The following PAQR5 variants were observed in gnomAD, a reference collection of about 807,000 sequenced individuals.
PAQR5 encodes the protein progestin and adipoQ receptor family member 5.
In PAQR5, 20 loss-of-function variants were observed where a neutral mutation model predicts 34.5. The observed-to-expected ratio is 0.58, with a 90% confidence interval of 0.41 to 0.84. The LOEUF (loss-of-function observed/expected upper bound fraction) is 0.84. Among genes scored for constraint, PAQR5 ranks in the 40% least tolerant of loss-of-function variants. PAQR5 has a pLI of 0.00. For synonymous variants in PAQR5, 131 were observed against 155.6 expected, an observed-to-expected ratio of 0.84 and a Z score of 1.18; for missense variants, 378 against 412.7, an observed-to-expected ratio of 0.92 and a Z score of 0.73.
At chr15:69,395,597 G>T (rs1274307533) in intron 6 of PAQR5, among the ~76,000 whole-genome samples, 1 of 152,198 alleles carries the variant, frequency 6.6e-6, no homozygotes, top group African/African-American at 2.4e-5. Flanking sequence ...CTGTGACAAG[G>T]CACAGTCATT....
intron 2 of PAQR5, among the ~76,000 whole-genome samples, chr15:69,358,038 G>C (rs1486106667): frequency 6.6e-6 from 1 of 152,140 alleles, no homozygotes; most frequent in Admixed American, 6.5e-5. Context: ...CAGAGGCAGG[G>C]AAAGAACACC....
At chr15:69,377,335 G>A (rs892395718) in intron 3 of PAQR5, among the ~76,000 whole-genome samples, 1 of 152,182 alleles carries the variant, frequency 6.6e-6, no homozygotes, top group African/African-American at 2.4e-5. Flanking sequence ...AAGGCTGAAG[G>A]CCATTGGCCT....
rs761506153 is a variant in PAQR5, at chr15:69,317,741, G to A, written c.-277+18685G>A. ...ACTGGCCTGGCATTGAAATGCACCCGGGGTGCTATGTCTTGGCTTTCTCCA... is the reference window on the plus strand; with the variant it reads ...ACTGGCCTGGCATTGAAATGCACCCAGGGTGCTATGTCTTGGCTTTCTCCA... On this transcript the variant is annotated intron_variant, in intron 1 of 8. Transcript: ENST00000395407. Among the ~76,000 whole-genome samples the A allele has an allele frequency of 4.6e-5, 7 of 152,220 alleles. 1 individual carries two copies. The highest frequency in any genetic ancestry group is 1.3e-4 in the Admixed American group (2 of 15,292).
intron 2 of PAQR5, among the ~76,000 whole-genome samples, chr15:69,341,468 C>G (rs947958520): frequency 3.3e-5 from 5 of 151,484 alleles, no homozygotes; most frequent in African/African-American, 9.7e-5. Context: ...GTAGTCCCCC[C>G]ACCTCAGCCT....
intron 4 of PAQR5, among the ~76,000 whole-genome samples, chr15:69,382,386 C>T (rs1322586981): frequency 6.6e-6 from 1 of 151,940 alleles, no homozygotes; most frequent in African/African-American, 2.4e-5. Flanking sequence ...GTGGCTTATG[C>T]CTATAATCCC....
chr15:69,320,862 T>C lies in PAQR5; in HGVS notation c.-276-16479T>C, dbSNP rs78645262. Among the ~76,000 whole-genome samples, 1,059 of 152,366 alleles carry C rather than the reference T, an allele frequency of 7.0e-3. 4 individuals carry two copies. The highest frequency in any genetic ancestry group is 0.011 in the Non-Finnish European group (773 of 68,034). On this transcript the variant is annotated intron_variant, in intron 1 of 8. Transcript: ENST00000395407. ...ATCATTATGTCACAAGTATGCTTTT[T>C]TTCCCTGTAAAATTTTCTAGAAAAA...
intron 3 of PAQR5, among the ~76,000 whole-genome samples, chr15:69,369,086 G>A (rs2055483614): frequency 6.6e-6 from 1 of 152,032 alleles, no homozygotes; most frequent in African/African-American, 2.4e-5. Context: ...TTTTCAAATT[G>A]GCTTGTTTCC....
intron 6 of PAQR5, among the ~76,000 whole-genome samples, chr15:69,396,336 G>A (rs1489622802): frequency 1.3e-5 from 2 of 151,830 alleles, no homozygotes; most frequent in Non-Finnish European, 2.9e-5. Context: ...AGCAGAGATA[G>A]GAGCCACAGC....
At chr15:69,365,811 C>T (rs1316272866) in intron 3 of PAQR5, among the ~76,000 whole-genome samples, 1 of 152,178 alleles carries the variant, frequency 6.6e-6, no homozygotes, top group Non-Finnish European at 1.5e-5. Flanking sequence ...CTGGGCGGAG[C>T]CACCATATTG....
chr15:69,398,006 T>G lies in PAQR5; in HGVS notation c.609+442T>G, dbSNP rs560452383. On this transcript the variant is annotated intron_variant, in intron 7 of 8. Transcript: ENST00000395407. ...GAGTGGAGTGAGCAGGAGAGCGAGC[T>G]CTGCAGGCAGGTCTCCAATACTTGC... is the stretch of plus-strand genomic sequence containing the variant. 2.0e-5 allele frequency among the ~76,000 whole-genome samples: 3 copies of G among 152,206 alleles called. No homozygotes were observed. The South Asian group carries it at 6.2e-4, about 32-fold the overall frequency.
intron 1 of PAQR5, among the ~76,000 whole-genome samples, chr15:69,331,965 C>G (rs2054389476): frequency 6.6e-6 from 1 of 152,054 alleles, no homozygotes; most frequent in African/African-American, 2.4e-5. Flanking sequence ...CACAAGCGAG[C>G]AGGGTCATGA....
chr15:69,340,484 G>C (rs1348661337), intron 2 of PAQR5, among the ~76,000 whole-genome samples: 5 of 152,164 alleles, frequency 3.3e-5, no homozygotes, highest in Non-Finnish European at 5.9e-5. Context: ...TTAATGAATG[G>C]CAAACTACTT....
At chr15:69,350,512 G>A (rs754150231) in intron 2 of PAQR5, among the ~76,000 whole-genome samples, 23 of 152,038 alleles carry the variant, frequency 1.5e-4, no homozygotes, top group Admixed American at 2.6e-4. Context: ...GTGTGATGGC[G>A]CACACCTGTA....
chr15:69,378,436 CAA>C (rs1235264927), intron 3 of PAQR5, among the ~76,000 whole-genome samples: 1 of 52,528 alleles, frequency 1.9e-5, no homozygotes, highest in African/African-American at 9.2e-5. Flanking sequence ...GACCCTGTCT[CAA>C]AAAAAAAAAA....
chr15:69,374,453 A>G (rs2055649227), intron 3 of PAQR5, among the ~76,000 whole-genome samples: 1 of 152,182 alleles, frequency 6.6e-6, no homozygotes, highest in Non-Finnish European at 1.5e-5. Flanking sequence ...AGGCTGGTGG[A>G]TCACCTGAGA....
chr15:69,310,366 A>C (rs1402368397), intron 1 of PAQR5, among the ~76,000 whole-genome samples: 1 of 152,256 alleles, frequency 6.6e-6, no homozygotes, highest in Non-Finnish European at 1.5e-5. Flanking sequence ...ACCTACCAGC[A>C]GTGGATGAGA....
chr15:69,367,653 G>C (rs182110989), intron 3 of PAQR5, among the ~76,000 whole-genome samples: 112 of 152,308 alleles, frequency 7.4e-4, no homozygotes, highest in African/African-American at 2.6e-3. Context: ...GGCTGGGCCA[G>C]GTTCAAGCTT....
rs562544962 is a variant in PAQR5 at position 69,370,622 on chromosome 15, C to T, written c.52-9261C>T. Among the ~76,000 whole-genome samples, 348 of 152,218 alleles carry T rather than the reference C, an allele frequency of 2.3e-3. 2 individuals are homozygous for T. The highest frequency in any genetic ancestry group is 8.1e-3 in the African/African-American group (335 of 41,542). On this transcript the variant is annotated intron_variant, in intron 3 of 8. Transcript: ENST00000395407. ...GCAACATCTGCCTCCCAGGTTCAAG[C>T]GATTCTCCTGCCTCAGCCTCCCGAG... is the stretch of plus-strand genomic sequence containing the variant.
At chr15:69,311,921 T>C (rs1247981907) in intron 1 of PAQR5, among the ~76,000 whole-genome samples, 1 of 152,108 alleles carries the variant, frequency 6.6e-6, no homozygotes, top group Non-Finnish European at 1.5e-5. Flanking sequence ...CAAACAGGAA[T>C]AGAATGTAAG....
Sources: allele counts gnomAD v4.1 joint callset (sites outside exome capture counted in the v4.1 genomes callset), GRCh38; gene constraint gnomAD v4.1.1; transcripts MANE v1.5; gene names NCBI Gene and HGNC (gene_info 2026-07-23, HGNC 2026-07-21).